The following FRS2 variants were observed in gnomAD, a reference collection of about 807,000 sequenced individuals.
FRS2 encodes FGFR signalling adaptor.
Under a neutral mutation model 43.9 loss-of-function variants are expected in FRS2, and 8 were observed. The ratio of observed to expected loss-of-function variants is 0.18; its 90% CI spans 0.11 to 0.33. The LOEUF is 0.33. Among genes scored for constraint, FRS2 ranks in the 10% least tolerant of loss-of-function variants. FRS2 has a pLI of 1.00. For synonymous variants in FRS2, 219 were observed against 220.3 expected, an observed-to-expected ratio of 0.99 and a Z score of 0.05; for missense variants, 534 against 627.6, an observed-to-expected ratio of 0.85 and a Z score of 1.59.
At chr12:69,555,668 A>G (rs1879275396) in intron 3 of FRS2, among the ~76,000 whole-genome samples, 1 of 152,218 alleles carries the variant, frequency 6.6e-6, no homozygotes, top group Admixed American at 6.5e-5. Flanking sequence ...CAGATTCCAC[A>G]GGGATGACTG....
Position 69,574,059 on chromosome 12 carries a change from A to G in FRS2, c.631A>G (p.Ser211Gly). ...GVQEERKNRT[S>G]VHVPLEARVS... The stretch of plus-strand genomic sequence containing the variant: ...GCAAGAAGAGCGGAAAAACCGCACA[A>G]GTGTGCATGTTCCATTGGAGGCGAG... Residue 211 changes from serine (S) to glycine (G), a missense_variant, in exon 9 of 9, where the codon AGT (serine) becomes GGT (glycine). Physicochemically the swap from Ser to Gly is moderately conservative, Grantham distance 56. Around this residue, in one of 3 missense-constraint regions of FRS2, gnomAD observed 446 missense variants for 494.2 expected, o/e 0.90. Coordinates refer to ENST00000549921, the MANE Select transcript of FRS2 (RefSeq NM_001278356.2). The G allele has an allele frequency of 6.2e-7, 1 of 1,614,228 alleles. No homozygotes were observed. Among genetic ancestry groups the G allele is most frequent in the East Asian group, 2.2e-5 (1 of 44,882 alleles).
rs569043476 is a variant in FRS2 at position 69,474,032 on chromosome 12, G to A, written c.-261+3502G>A. On this transcript the variant is annotated intron_variant, in intron 1 of 8. Transcript: ENST00000549921. ...TAACTTTTGTATTTTTAGTAGAGAC[G>A]GGGTTTCACCATGTTGACCAGGATG... Among the ~76,000 whole-genome samples the A allele has an allele frequency of 4.6e-5, 7 of 152,138 alleles. No homozygotes were observed. In the South Asian group the frequency reaches 1.2e-3, roughly 27 times the overall value.
intron 1 of FRS2, among the ~76,000 whole-genome samples, chr12:69,477,440 G>A (rs888026727): frequency 2.6e-5 from 4 of 151,380 alleles, no homozygotes; most frequent in African/African-American, 7.3e-5. Flanking sequence ...CCGCCAACAC[G>A]CCTGGCTAAT....
chr12:69,547,180 A>G (rs975695227), intron 3 of FRS2, among the ~76,000 whole-genome samples: 3 of 152,176 alleles, frequency 2.0e-5, no homozygotes, highest in Admixed American at 6.5e-5. Context: ...TCAGAGAGAA[A>G]GTAGAATGGT....
chr12:69,545,616 G>A (rs1163396232), intron 3 of FRS2, among the ~76,000 whole-genome samples: 1 of 152,004 alleles, frequency 6.6e-6, no homozygotes, highest in Admixed American at 6.6e-5. Flanking sequence ...GATTAGCTGG[G>A]TGTGGTGGCA....
chr12:69,574,277 C>G lies in FRS2; in HGVS notation c.849C>G (p.Asn283Lys). Reference protein sequence around the residue: ...RDQVSGSGANNTEWDTGYDSD... With the variant: ...RDQVSGSGANKTEWDTGYDSD... ...AAGTTAGTGGAAGTGGAGCAAATAA[C>G]ACAGAATGGGACACTGGCTATGACA... Residue 283 changes from asparagine to lysine, a missense_variant, in exon 9 of 9, where the codon AAC becomes AAG. By Grantham distance (94) the Asn-to-Lys change is moderately conservative. This residue lies in a region of FRS2 where 446 missense variants were observed against 494.2 expected (regional missense o/e 0.90). Transcript: ENST00000549921. The G allele has an allele frequency of 6.2e-7, 1 of 1,614,188 alleles. No homozygotes were observed. The highest frequency in any genetic ancestry group is 8.5e-7 in the Non-Finnish European group (1 of 1,179,984).
At chr12:69,551,035 ATG>A (rs903058083) in intron 3 of FRS2, among the ~76,000 whole-genome samples, 13 of 152,156 alleles carry the variant, frequency 8.5e-5, no homozygotes, top group African/African-American at 2.9e-4. Flanking sequence ...TTCTCTTCAC[ATG>A]TGTCTTTAAA....
chr12:69,533,685 G>T (rs529916356), intron 3 of FRS2, among the ~76,000 whole-genome samples: 38 of 152,242 alleles, frequency 2.5e-4, no homozygotes, highest in Admixed American at 1.8e-3. Context: ...TTACTTAAAG[G>T]TTATGTGTCT....
rs367960368 is a variant in FRS2 at position 69,574,982 on chromosome 12, C to A, written c.*27C>A. 6.9e-7 allele frequency: 1 copy of A among 1,445,546 alleles called. No homozygotes were observed. Among genetic ancestry groups the A allele is most frequent in the Admixed American group, 1.8e-5 (1 of 55,054 alleles). 89.5% of individuals were successfully genotyped at this position (1,445,546 alleles called of 1,614,324 possible). A position where few individuals can be genotyped will look rare whatever the true frequency, so the allele number is the denominator to read the frequency against. On this transcript the variant is annotated 3_prime_UTR_variant, in exon 9 of 9. Transcript: ENST00000549921. ...CCTGGAAAGCATTGTGTTGTTTGCA[C>A]CTTTGTGAAGTTTTTAAAAATGAAG... is the stretch of plus-strand genomic sequence containing the variant.
At chr12:69,522,190 T>TTGTGTGTGTGTGTG (rs201103216) in intron 1 of FRS2, among the ~76,000 whole-genome samples, 20 of 134,820 alleles carry the variant, frequency 1.5e-4, no homozygotes, top group South Asian at 5.1e-4. Flanking sequence ...GAAGTTTTCT[T>TTGTGTGTGTGTGTG]TGTGTGTGTG....
chr12:69,553,131 G>A (rs1879045765), intron 3 of FRS2, among the ~76,000 whole-genome samples: 1 of 152,202 alleles, frequency 6.6e-6, no homozygotes, highest in Admixed American at 6.5e-5. Flanking sequence ...GAGTGCAGTG[G>A]CACAATCTCG....
chr12:69,484,933 C>G (rs1871693159), intron 1 of FRS2, among the ~76,000 whole-genome samples: 1 of 152,020 alleles, frequency 6.6e-6, no homozygotes, highest in Admixed American at 6.6e-5. Flanking sequence ...AGCAGCAGAT[C>G]ATTATGGTAA....
chr12:69,574,157 T>C lies in FRS2; in HGVS notation c.729T>C (p.Leu243=), dbSNP rs368152941. The change falls in exon 9 of 9, where the codon CTT becomes CTC. Residue 243 remains leucine (L), a synonymous_variant. Transcript: ENST00000549921. The part of the protein sequence containing the change: ...SSIEDRDPQI[L]LEPEGVKFVL... ...TTGAGGACAGGGATCCTCAGATTCT[T>C]CTTGAACCTGAAGGAGTCAAATTTG... The C allele has an allele frequency of 7.4e-6, 12 of 1,614,030 alleles. No individual in the cohort carries two copies. Among genetic ancestry groups the C allele is most frequent in the Middle Eastern group, 3.3e-4 (2 of 6,084 alleles).
chr12:69,484,237 A>C (rs1226230708), intron 1 of FRS2, among the ~76,000 whole-genome samples: 1 of 151,808 alleles, frequency 6.6e-6, no homozygotes, highest in Non-Finnish European at 1.5e-5. Flanking sequence ...GGCGCCCACC[A>C]CCACGCCCAG....
At chr12:69,479,193 G>T (rs1871130256) in intron 1 of FRS2, among the ~76,000 whole-genome samples, 1 of 151,964 alleles carries the variant, frequency 6.6e-6, no homozygotes, top group Non-Finnish European at 1.5e-5. Context: ...TAGGGAGGGT[G>T]TGTTGGAAAA....
chr12:69,531,956 A>G (rs1262401031), intron 2 of FRS2, 58 bp from the exon 3 acceptor site: 1 of 152,580 alleles, frequency 6.6e-6, no homozygotes, highest in African/African-American at 2.4e-5. Context: ...GTAATTTTTC[A>G]TTTTTAGTAG....
At chr12:69,474,597 TAC>T (rs1392983497) in intron 1 of FRS2, among the ~76,000 whole-genome samples, 1 of 152,198 alleles carries the variant, frequency 6.6e-6, no homozygotes. Flanking sequence ...AATTGGGAAA[TAC>T]AGTTTTCTTG....
At chr12:69,498,541 G>A (rs1873125760) in intron 1 of FRS2, among the ~76,000 whole-genome samples, 1 of 151,846 alleles carries the variant, frequency 6.6e-6, no homozygotes, top group Non-Finnish European at 1.5e-5. Context: ...GTGTGTGTGT[G>A]TGTGTGTGTG....
intron 1 of FRS2, among the ~76,000 whole-genome samples, chr12:69,527,342 G>GTTTTTTTT (rs1294936661): frequency 1.5e-4 from 5 of 33,142 alleles, no homozygotes; most frequent in East Asian, 5.1e-3. Flanking sequence ...TTTTTTTAAT[G>GTTTTTTTT]ATTTTTTTTT....
Sources: gnomAD v4.1 joint callset for allele counts (sites outside exome capture counted in the v4.1 genomes callset) on GRCh38, gnomAD v4.1.1 for gene constraint, gnomAD v4.1.1 regional missense constraint, MANE v1.5 for transcripts, NCBI Gene and HGNC (gene_info 2026-07-23, HGNC 2026-07-21) for gene names.